SLC9A9: variants seen among roughly 807,000 people sequenced by gnomAD.
SLC9A9 encodes the protein solute carrier family 9 member A9.
A neutral mutation model predicts 77.8 loss-of-function variants in SLC9A9; 62 were observed. That is an observed-to-expected ratio of 0.80 (90% confidence interval 0.65 to 0.98). The LOEUF (loss-of-function observed/expected upper bound fraction) is 0.98, where lower values mean the gene tolerates loss of function less well. Ranked by LOEUF, SLC9A9 falls within the 50% of genes least tolerant of loss-of-function variation. SLC9A9 has a pLI of 0.00. For synonymous variants in SLC9A9, 320 were observed against 283.5 expected, an observed-to-expected ratio of 1.13 and a Z score of -1.29; for missense variants, 775 against 774.9, an observed-to-expected ratio of 1.00 and a Z score of 0.00.
At chr3:143,569,434 T>C (rs1427463764) in intron 8 of SLC9A9, among the ~76,000 whole-genome samples, 1 of 151,992 alleles carries the variant, frequency 6.6e-6, no homozygotes, top group Non-Finnish European at 1.5e-5. Flanking sequence ...AGGTGACTTA[T>C]CATCTGGGAA....
chr3:143,643,317 T>G (rs552638792), intron 6 of SLC9A9, among the ~76,000 whole-genome samples: 1 of 152,362 alleles, frequency 6.6e-6, no homozygotes, highest in South Asian at 2.1e-4. Flanking sequence ...GGATTTTGAT[T>G]TCTCAAATTC....
At chr3:143,497,279 T>G (rs2035851853) in intron 9 of SLC9A9, among the ~76,000 whole-genome samples, 1 of 152,142 alleles carries the variant, frequency 6.6e-6, no homozygotes, top group South Asian at 2.1e-4. Flanking sequence ...CTATTCAGCC[T>G]CTCTTTAATG....
chr3:143,598,477 T>C (rs2037794774), intron 6 of SLC9A9, among the ~76,000 whole-genome samples: 1 of 152,236 alleles, frequency 6.6e-6, no homozygotes, highest in South Asian at 2.1e-4. Flanking sequence ...TTAGTGGCGC[T>C]AGTGAGCGTT....
At chr3:143,345,098 G>T (rs191149546) in intron 14 of SLC9A9, among the ~76,000 whole-genome samples, 26 of 152,314 alleles carry the variant, frequency 1.7e-4, no homozygotes, top group African/African-American at 5.3e-4. Flanking sequence ...TCCTGAGTTT[G>T]GTTTTGGATA....
At chr3:143,320,599 T>A (rs1284621730) in intron 14 of SLC9A9, among the ~76,000 whole-genome samples, 1 of 152,130 alleles carries the variant, frequency 6.6e-6, no homozygotes, top group Non-Finnish European at 1.5e-5. Context: ...CCAGATCGCA[T>A]GTGAACTACC....
At position 143,501,816 on chromosome 3, in the gene SLC9A9, C is replaced by T. The variant is rs576065346; in HGVS notation, c.1090-6368G>A. Among the ~76,000 whole-genome samples, 27 of 150,716 alleles carry T rather than the reference C, an allele frequency of 1.8e-4. No individual in the cohort carries two copies. The South Asian group carries it at 5.4e-3, about 30-fold the overall frequency. On this transcript the variant is annotated intron_variant, in intron 9 of 15. Coordinates refer to ENST00000316549, the MANE Select transcript of SLC9A9 (RefSeq NM_173653.4). Reference sequence around the variant, plus strand: ...GGGGCATTTAATGAGAATCTGTGGGCAAATTCAATTTTGTTTCATATGCCA... The same window carrying T: ...GGGGCATTTAATGAGAATCTGTGGGTAAATTCAATTTTGTTTCATATGCCA...
chr3:143,612,291 C>G (rs1049043183), intron 6 of SLC9A9, among the ~76,000 whole-genome samples: 5 of 152,158 alleles, frequency 3.3e-5, no homozygotes, highest in Admixed American at 1.3e-4. Flanking sequence ...AGTCTCAAAC[C>G]CTGAACCAAC....
At position 143,640,019 on chromosome 3, in the gene SLC9A9, C is replaced by CT. The variant is rs10575577; in HGVS notation, c.755+12235dup. Among the ~76,000 whole-genome samples, 936 of 124,046 alleles carry CT rather than the reference C, an allele frequency of 7.5e-3. 13 individuals carry two copies. Among genetic ancestry groups the CT allele is most frequent in the African/African-American group, 0.012 (396 of 32,496 alleles). 81.4% of individuals were successfully genotyped at this position (124,046 alleles called of 152,430 possible). Reference sequence around the variant, plus strand: ...GTCAGTAATTCCTTTCTTTTTTTTTCTTTTTTTTTTTTTTTTTTTTGAGAT... The same window carrying CT: ...GTCAGTAATTCCTTTCTTTTTTTTTCTTTTTTTTTTTTTTTTTTTTTGAGAT... On this transcript the variant is annotated intron_variant, in intron 6 of 15. Transcript: ENST00000316549.
At chr3:143,304,242 C>G (rs914728494) in intron 14 of SLC9A9, among the ~76,000 whole-genome samples, 1 of 152,168 alleles carries the variant, frequency 6.6e-6, no homozygotes, top group Non-Finnish European at 1.5e-5. Flanking sequence ...GGTGAGATTT[C>G]TCCTAGATAG....
intron 6 of SLC9A9, among the ~76,000 whole-genome samples, chr3:143,630,564 T>A (rs2038407408): frequency 6.6e-6 from 1 of 152,162 alleles, no homozygotes; most frequent in South Asian, 2.1e-4. Flanking sequence ...TCAGATAAGA[T>A]CAATTTTGTT....
intron 4 of SLC9A9, among the ~76,000 whole-genome samples, chr3:143,768,611 C>T (rs2007409878): frequency 6.6e-6 from 1 of 152,072 alleles, no homozygotes; most frequent in Non-Finnish European, 1.5e-5. Context: ...TACAATAAGA[C>T]ACATAGATTA....
intron 5 of SLC9A9, among the ~76,000 whole-genome samples, chr3:143,674,650 C>A (rs1387044317): frequency 6.6e-6 from 1 of 152,076 alleles, no homozygotes; most frequent in Non-Finnish European, 1.5e-5. Flanking sequence ...CAAGAGGATA[C>A]TACTCCCAGA....
At chr3:143,807,291 A>G (rs2008745669) in intron 2 of SLC9A9, among the ~76,000 whole-genome samples, 3 of 152,224 alleles carry the variant, frequency 2.0e-5, no homozygotes, top group Admixed American at 6.5e-5. Flanking sequence ...ATATAGGATG[A>G]GCAGATCATC....
At chr3:143,391,155 C>T (rs1308558704) in intron 12 of SLC9A9, among the ~76,000 whole-genome samples, 1 of 152,246 alleles carries the variant, frequency 6.6e-6, no homozygotes, top group African/African-American at 2.4e-5. Context: ...TATGCCTCCT[C>T]AAGTGGGTCC....
intron 9 of SLC9A9, among the ~76,000 whole-genome samples, chr3:143,506,228 C>A (rs888967263): frequency 4.6e-5 from 7 of 152,172 alleles, no homozygotes; most frequent in Non-Finnish European, 8.8e-5. Flanking sequence ...AGTAGAATTA[C>A]TTTGTAATGT....
intron 9 of SLC9A9, among the ~76,000 whole-genome samples, chr3:143,497,378 A>T (rs1047441549): frequency 6.6e-6 from 1 of 152,180 alleles, no homozygotes; most frequent in Non-Finnish European, 1.5e-5. Context: ...TATGGAGCAT[A>T]TAATTTAGGA....
chr3:143,485,864 T>A (rs1252858739), intron 11 of SLC9A9, among the ~76,000 whole-genome samples: 2 of 151,328 alleles, frequency 1.3e-5, no homozygotes, highest in Non-Finnish European at 2.9e-5. Context: ...AAGAATATGT[T>A]GAGAAAGTTA....
intron 4 of SLC9A9, among the ~76,000 whole-genome samples, chr3:143,772,781 C>T (rs1393354511): frequency 6.6e-6 from 1 of 152,182 alleles, no homozygotes; most frequent in Non-Finnish European, 1.5e-5. Flanking sequence ...CGCTACTGCC[C>T]AAAAGTCCCA....
intron 12 of SLC9A9, among the ~76,000 whole-genome samples, chr3:143,434,554 G>A (rs2034586450): frequency 6.6e-6 from 1 of 152,122 alleles, no homozygotes; most frequent in Non-Finnish European, 1.5e-5. Flanking sequence ...GCTTCAGCCA[G>A]TCTGAGGGCA....
Sources: gnomAD v4.1 joint callset for allele counts (sites outside exome capture counted in the v4.1 genomes callset) on GRCh38, gnomAD v4.1.1 for gene constraint, MANE v1.5 for transcripts, NCBI Gene and HGNC (gene_info 2026-07-23, HGNC 2026-07-21) for gene names.